The following ARHGEF18 variants were observed in gnomAD, a reference collection of about 807,000 sequenced individuals.
ARHGEF18 encodes Rho/Rac guanine nucleotide exchange factor 18.
Under a neutral mutation model 155.7 loss-of-function variants are expected in ARHGEF18, and 93 were observed. The ratio of observed to expected loss-of-function variants is 0.60; its 90% CI spans 0.50 to 0.71. The LOEUF (loss-of-function observed/expected upper bound fraction) is 0.71. Ranked by LOEUF, ARHGEF18 falls within the 30% of genes least tolerant of loss-of-function variation. The probability of loss-of-function intolerance (pLI) is 0.00; values close to 1 mark genes in which losing one functional copy is unlikely to be tolerated. For missense variants in ARHGEF18, 1,593 were observed against 1,816.1 expected, an observed-to-expected ratio of 0.88 and a Z score of 2.23; for synonymous variants, 742 against 753.1, an observed-to-expected ratio of 0.99 and a Z score of 0.24.
In ARHGEF18 at chr19:7,470,148, C is replaced by T. The variant is rs761849938; in HGVS notation, c.3936C>T (p.Ser1312=). Residue 1312 remains serine, a synonymous_variant, in exon 29 of 29, where the codon AGC becomes AGT. Coordinates refer to ENST00000668164, the MANE Select transcript of ARHGEF18 (RefSeq NM_001367823.1). This position sits in a 1 kb window ranked among gnomAD's most constrained non-coding sequence, Gnocchi z 5.9. The stretch of plus-strand genomic sequence containing the variant: ...CAGACCCTGGCTTCCCCGCCCCGAG[C>T]CCACCGCCAGCTGACAGCCCCTCCG... ...PPPDPGFPAP[S]PPPADSPSEG... is the part of the protein sequence containing the mutation. 2.1e-5 allele frequency: 34 copies of T among 1,612,128 alleles called. 1 individual carries two copies. The highest frequency in any genetic ancestry group is 2.8e-5 in the Non-Finnish European group (33 of 1,179,680).
In ARHGEF18 at chr19:7,458,695, G is replaced by A. The variant is rs749683537; in HGVS notation, c.2360+5G>A. On this transcript the variant is annotated splice_donor_5th_base_variant and intron_variant, in intron 19 of 28. Transcript: ENST00000668164. ...CATCCAAAGGGCTGTGGAGAGGTGA[G>A]GAGGGCCTGGGGGTCTCCCCACCCA... is the stretch of plus-strand genomic sequence containing the variant. The A allele has an allele frequency of 6.2e-7, 1 of 1,606,994 alleles. No individual in the cohort carries two copies. The highest frequency in any genetic ancestry group is 8.5e-7 in the Non-Finnish European group (1 of 1,175,316).
At chr19:7,456,431 G>C (rs192044387) in intron 18 of ARHGEF18, 28 bp downstream of exon 18, 2 of 1,602,494 alleles carry the variant, frequency 1.2e-6, no homozygotes, top group Non-Finnish European at 1.7e-6. Context: ...TCAGACGAAG[G>C]GTCGGCTGGG....
intron 14 of ARHGEF18, among the ~76,000 whole-genome samples, chr19:7,446,177 T>A (rs554263892): frequency 1.3e-5 from 2 of 152,064 alleles, no homozygotes; most frequent in East Asian, 3.9e-4. Flanking sequence ...TGGGGGTGGA[T>A]CACTTGAGGT....
At chr19:7,361,554 A>T (rs972913033) in intron 1 of ARHGEF18, among the ~76,000 whole-genome samples, 13 of 152,218 alleles carry the variant, frequency 8.5e-5, no homozygotes, top group African/African-American at 3.1e-4. Flanking sequence ...CATCCGTGCA[A>T]TTGCGTACAT....
chr19:7,456,777 C>T (rs371792081), intron 18 of ARHGEF18, among the ~76,000 whole-genome samples: 14 of 152,252 alleles, frequency 9.2e-5, no homozygotes, highest in South Asian at 8.3e-4. Flanking sequence ...AAAAAACAGA[C>T]GAAGGGCCCT....
chr19:7,450,659 T>TTTCC (rs1975349575), intron 15 of ARHGEF18, among the ~76,000 whole-genome samples: 2 of 152,310 alleles, frequency 1.3e-5, no homozygotes, highest in Non-Finnish European at 1.5e-5. Context: ...GGGATCTTGC[T>TTTCC]GTCCATTTCC....
At position 7,407,983 on chromosome 19, in the gene ARHGEF18, A is replaced by AAAAAAAAAAAAAAAAAAAAAAAC. The variant is rs1555711562; in HGVS notation, c.967+24784_967+24785insAAAAAAAAAAAAAAAAAACAAAA. Among the ~76,000 whole-genome samples, 4 of 141,966 alleles carry AAAAAAAAAAAAAAAAAAAAAAAC rather than the reference A, an allele frequency of 2.8e-5. 1 individual carries two copies. The highest frequency in any genetic ancestry group is 1.2e-4 in the African/African-American group (4 of 32,824). The allele number at this position is 141,966 out of a possible 152,430, so 93.1% of individuals were successfully genotyped here. ...TCTCAAAAAAAAAAAAAAAAAAAAA[A>AAAAAAAAAAAAAAAAAAAAAAAC]AAAAGAGGTAGTAGGCTGGGTGCAG... is the stretch of plus-strand genomic sequence containing the variant. On this transcript the variant is annotated intron_variant, in intron 10 of 28. Transcript: ENST00000668164.
chr19:7,362,557 C>A (rs1186593752), intron 1 of ARHGEF18, among the ~76,000 whole-genome samples: 2 of 152,178 alleles, frequency 1.3e-5, no homozygotes, highest in African/African-American at 4.8e-5. Flanking sequence ...GAAATTGACT[C>A]ATGATTGACT....
rs751081180 is a variant in ARHGEF18 at position 7,470,349 on chromosome 19, C to G, written c.*51C>G. ...CCCCTCCCTGCCCTGCCCACCCTTC[C>G]TGCTCTCTGGGGACCCCCATGGGGT... is the stretch of plus-strand genomic sequence containing the variant. On this transcript the variant is annotated 3_prime_UTR_variant, in exon 29 of 29. Transcript: ENST00000668164. The surrounding 1 kb of genome is among the most constrained non-coding windows in gnomAD (Gnocchi z 5.9). The G allele has an allele frequency of 1.4e-6, 2 of 1,411,866 alleles. No individual in the cohort carries two copies. The highest frequency in any genetic ancestry group is 2.7e-5 in the East Asian group (1 of 37,074). 87.5% of individuals were successfully genotyped at this position (1,411,866 alleles called of 1,614,324 possible). A position where few individuals can be genotyped will look rare whatever the true frequency, so the allele number is the denominator to read the frequency against.
intron 15 of ARHGEF18, among the ~76,000 whole-genome samples, chr19:7,448,647 G>A (rs902968454): frequency 1.3e-5 from 2 of 151,452 alleles, no homozygotes; most frequent in African/African-American, 4.9e-5. Flanking sequence ...GGCAACAAGA[G>A]CGAAACTCCG....
chr19:7,468,952 C>G lies in ARHGEF18; in HGVS notation c.3608C>G (p.Ala1203Gly). 6.3e-7 allele frequency: 1 copy of G among 1,581,572 alleles called. No homozygotes were observed. The highest frequency in any genetic ancestry group is 8.6e-7 in the Non-Finnish European group (1 of 1,165,250). Residue 1203 changes from alanine (A) to glycine (G), a missense_variant, in exon 27 of 29, where the codon GCC becomes GGC. By Grantham distance (60) the Ala-to-Gly change is moderately conservative. Transcript: ENST00000668164. ...CCCGAGGTGGCTCGCCGGGACAGCG[C>G]CCCCACCGAGAACCGGCTGGCCAAG... Reference protein sequence around the residue: ...ERPEVARRDSAPTENRLAKSD... With the variant: ...ERPEVARRDSGPTENRLAKSD...
chr19:7,466,650 C>G (rs1400053369), intron 23 of ARHGEF18, among the ~76,000 whole-genome samples: 1 of 151,140 alleles, frequency 6.6e-6, no homozygotes, highest in Non-Finnish European at 1.5e-5. Context: ...TAAAAATACA[C>G]AAAATTAGCC....
At position 7,364,463 on chromosome 19, in the gene ARHGEF18, G is replaced by A. The variant is rs78440141; in HGVS notation, c.15+1558G>A. On this transcript the variant is annotated intron_variant, in intron 2 of 28. Coordinates refer to ENST00000668164, the MANE Select transcript of ARHGEF18 (RefSeq NM_001367823.1). The stretch of plus-strand genomic sequence containing the variant: ...GGTAGACTGACTTGCCTAAGTTCCC[G>A]TCATGGCAGAGTTGGGATTCAAGCC... 5.8e-3 allele frequency among the ~76,000 whole-genome samples: 879 copies of A among 151,858 alleles called. 5 individuals carry two copies. The highest frequency in any genetic ancestry group is 0.02 in the African/African-American group (830 of 41,268).
chr19:7,351,729 G>C (rs1477075975), intron 1 of ARHGEF18, among the ~76,000 whole-genome samples: 2 of 116,986 alleles, frequency 1.7e-5, no homozygotes, highest in East Asian at 5.0e-4. Flanking sequence ...TTCTGAGACA[G>C]AGTTGCCCAG....
intron 10 of ARHGEF18, among the ~76,000 whole-genome samples, chr19:7,388,570 T>C (rs954385959): frequency 6.6e-6 from 1 of 151,972 alleles, no homozygotes; most frequent in African/African-American, 2.4e-5. Flanking sequence ...ATGATGCCCT[T>C]TTATTTTTAT....
At chr19:7,373,189 C>A (rs1970278772) in intron 3 of ARHGEF18, 118 bp downstream of exon 3, 1 of 1,187,066 alleles carries the variant, frequency 8.4e-7, no homozygotes, top group Middle Eastern at 3.1e-4. Context: ...TGGTCCCCAA[C>A]CTTTTTGGTA....
chr19:7,469,869 G>A, intron 27 of ARHGEF18, 35 bp from the exon 28 acceptor site: 1 of 1,606,998 alleles, frequency 6.2e-7, no homozygotes, highest in Non-Finnish European at 8.5e-7. Context: ...CAGCTGGCCA[G>A]CCTGGAGCTG....
chr19:7,444,569 GGT>G lies in ARHGEF18; in HGVS notation c.1611+117_1611+118del. 2.1e-6 allele frequency: 3 copies of G among 1,424,696 alleles called. No individual in the cohort carries two copies. Among genetic ancestry groups the G allele is most frequent in the Non-Finnish European group, 1.9e-6 (2 of 1,068,194 alleles). The allele number at this position is 1,424,696 out of a possible 1,614,324, so 88.3% of individuals were successfully genotyped here. A position where few individuals can be genotyped will look rare whatever the true frequency, so the allele number is the denominator to read the frequency against. ...CGTGTCGCCCAGGCTGGAGTGCAGTGGTGCAGTCACAGCTCAATGCAGCCTCA... is the reference window on the plus strand; with the variant it reads ...CGTGTCGCCCAGGCTGGAGTGCAGTGGCAGTCACAGCTCAATGCAGCCTCA... On this transcript the variant is annotated intron_variant, in intron 14 of 28. Transcript: ENST00000668164. This position sits in a 1 kb window ranked among gnomAD's most constrained non-coding sequence, Gnocchi z 4.7.
In ARHGEF18 at chr19:7,467,490, C is replaced by T. The variant is rs1321342123; in HGVS notation, c.3286C>T (p.Arg1096Trp). Residue 1096 changes from arginine to tryptophan, a missense_variant, in exon 26 of 29, where the codon CGG becomes TGG. Coordinates refer to ENST00000668164, the MANE Select transcript of ARHGEF18 (RefSeq NM_001367823.1). ...GCTGCAGGAGCGCGAGGGCGAGGCGCGGCAGCTACGCGAGCGGCTGGAGCA... is the reference window on the plus strand; with the variant it reads ...GCTGCAGGAGCGCGAGGGCGAGGCGTGGCAGCTACGCGAGCGGCTGGAGCA... ...ARLQEREGEA[R>W]QLRERLEQER... is the part of the protein sequence containing the mutation. 4.2e-6 allele frequency: 6 copies of T among 1,441,222 alleles called. No individual in the cohort carries two copies. The highest frequency in any genetic ancestry group is 3.0e-5 in the African/African-American group (2 of 66,686). 89.3% of individuals were successfully genotyped at this position (1,441,222 alleles called of 1,614,324 possible).
Sources: allele counts gnomAD v4.1 joint callset (sites outside exome capture counted in the v4.1 genomes callset), GRCh38; gene constraint gnomAD v4.1.1; non-coding constraint Gnocchi (gnomAD v3.1); transcripts MANE v1.5; gene names NCBI Gene and HGNC (gene_info 2026-07-23, HGNC 2026-07-21).